Variants in ARNT observed in about 807,000 individuals in gnomAD.
ARNT encodes aryl hydrocarbon receptor nuclear translocator, also known as class E basic helix-loop-helix protein 2.
Under a neutral mutation model 105.0 loss-of-function variants are expected in ARNT, and 30 were observed. The observed-to-expected ratio is 0.29, with a 90% CI of 0.21 to 0.39. The LOEUF is 0.39. ARNT is among the 10% of genes least tolerant of loss of function. ARNT has a pLI of 1.00. For synonymous variants in ARNT, 304 were observed against 344.0 expected (o/e 0.88, Z 1.29); for missense variants, 748 against 978.7 (o/e 0.76, Z 3.15).
intron 14 of ARNT, among the ~76,000 whole-genome samples, chr1:150,821,111 C>T (rs931670079): frequency 2.9e-4 from 44 of 152,302 alleles, no homozygotes; most frequent in African/African-American, 1.0e-3. Flanking sequence ...AATGCATTTA[C>T]AGCACTGTAC....
At chr1:150,812,449 T>C (rs1654928416) in intron 21 of ARNT, 1 of 182,870 alleles carries the variant, frequency 5.5e-6, no homozygotes, top group African/African-American at 2.3e-5. Flanking sequence ...TGTTTTGCTT[T>C]CTTTCAATCT....
At position 150,872,253 on chromosome 1, in the gene ARNT, A is replaced by G. The variant is rs1319079626; in HGVS notation, c.25+4290T>C. Among the ~76,000 whole-genome samples, 17 of 152,326 alleles carry G rather than the reference A, an allele frequency of 1.1e-4. No individual in the cohort carries two copies. In the East Asian group the frequency reaches 3.1e-3, roughly 28 times the overall value. The stretch of plus-strand genomic sequence containing the variant: ...GAGGCACGAGCCACCACACCTGGCC[A>G]TAAAAGAATATCTTGACATCTTAAC... On this transcript the variant is annotated intron_variant, in intron 1 of 21. Coordinates refer to ENST00000358595, the MANE Select transcript of ARNT (RefSeq NM_001668.4).
intron 8 of ARNT, among the ~76,000 whole-genome samples, 200 bp downstream of exon 8, chr1:150,834,338 T>A (rs939273642): frequency 2.0e-5 from 3 of 152,230 alleles, no homozygotes; most frequent in African/African-American, 7.2e-5. Flanking sequence ...ATGACAGATA[T>A]AAAGCACCTA....
In ARNT at chr1:150,818,059, G is replaced by A. The variant is rs940483470; in HGVS notation, c.1395-29C>T. On this transcript the variant is annotated intron_variant, in intron 14 of 21. Transcript: ENST00000358595. The stretch of plus-strand genomic sequence containing the variant: ...GGAAACCAGAGTAGACAGTAAAGAG[G>A]GGGTGGAGAGGGAGGAAGGGGGGAG... The A allele has an allele frequency of 5.3e-6, 8 of 1,501,410 alleles. No homozygotes were observed. In the South Asian group the frequency reaches 7.0e-5, roughly 13 times the overall value. The allele number at this position is 1,501,410 out of a possible 1,614,324, so 93.0% of individuals were successfully genotyped here.
intron 3 of ARNT, 70 bp from the exon 4 acceptor site, chr1:150,846,377 C>A: frequency 6.8e-7 from 1 of 1,475,408 alleles, no homozygotes; most frequent in Non-Finnish European, 9.4e-7. Context: ...GAAAAGTAAA[C>A]TAGAAAGGGG....
rs1223740476 is a variant in ARNT at position 150,813,336 on chromosome 1, G to C, written c.2116C>G (p.Pro706Ala). Reference protein sequence around the residue: ...SLTNRGSNFAPETGQTAGQFQ... With the variant: ...SLTNRGSNFAAETGQTAGQFQ... ...TGTCCTGCAGTCTGTCCAGTCTCAGGAGCTAGAAATACAGCAAGGAAGAAT... is the reference window on the plus strand; with the variant it reads ...TGTCCTGCAGTCTGTCCAGTCTCAGCAGCTAGAAATACAGCAAGGAAGAAT... The change falls in exon 21 of 22, where the codon CCT (proline) becomes GCT (alanine). Residue 706 changes from proline to alanine, a missense_variant and splice_region_variant. Transcript: ENST00000358595. 2 of 1,603,328 alleles carry C rather than the reference G, an allele frequency of 1.2e-6. No individual in the cohort carries two copies. Among genetic ancestry groups the C allele is most frequent in the African/African-American group, 2.7e-5 (2 of 74,580 alleles).
At chr1:150,834,732 T>C (rs1659986795) in intron 7 of ARNT, 92 bp from the exon 8 acceptor site, 1 of 1,096,646 alleles carries the variant, frequency 9.1e-7, no homozygotes, top group Non-Finnish European at 1.4e-6. Flanking sequence ...GTAAGCATCC[T>C]ATTCATGCCC....
chr1:150,842,294 A>G lies in ARNT; in HGVS notation c.272+130T>C, dbSNP rs587605180. The G allele has an allele frequency of 1.5e-5, 21 of 1,372,998 alleles. No individual in the cohort carries two copies. The East Asian group carries it at 5.4e-4, about 35-fold the overall frequency. 85.1% of individuals were successfully genotyped at this position (1,372,998 alleles called of 1,614,324 possible). On this transcript the variant is annotated intron_variant, in intron 5 of 21. Coordinates refer to ENST00000358595, the MANE Select transcript of ARNT (RefSeq NM_001668.4). ...TTCCTGTTACACTCAAACTTCTAAA[A>G]AATCTTGTCCTCTCTTGCCACAGAT...
In ARNT at chr1:150,834,546, G is replaced by A; in HGVS notation, c.795C>T (p.Cys265=). ...MCMGSRRSFI[C]RMRCGSSSVD... ...CTCAGCTTGACACTCACCTCATTCG[G>A]CAAATAAACGATCTCCTTGAGCCCA... The change falls in exon 8 of 22, where the codon TGC becomes TGT. Residue 265 remains cysteine (C), a synonymous_variant. Transcript: ENST00000358595. The A allele has an allele frequency of 6.2e-7, 1 of 1,613,534 alleles. No homozygotes were observed. The highest frequency in any genetic ancestry group is 8.5e-7 in the Non-Finnish European group (1 of 1,179,662).
rs1441663797 is a variant in ARNT, at chr1:150,811,733, A to G, written c.*288T>C. On this transcript the variant is annotated 3_prime_UTR_variant, in exon 22 of 22. Transcript: ENST00000358595. ...TGCCTCTTGATCTCAGCACAAATCA[A>G]CACTATACAATTTCAGGTCAGGAGA... The G allele has an allele frequency of 1.9e-5, 5 of 268,926 alleles. No individual in the cohort carries two copies. The highest frequency in any genetic ancestry group is 1.6e-4 in the East Asian group (3 of 18,708). The allele number at this position is 268,926 out of a possible 1,614,324, so 16.7% of individuals were successfully genotyped here.
rs988051546 is a variant in ARNT, at chr1:150,834,456, T to A, written c.803+82A>T. ...GTTAAATTTAATCCACTGGAGCTAA[T>A]CCAACTTAACTCTGACAGAAATAAA... On this transcript the variant is annotated intron_variant, in intron 8 of 21. Coordinates refer to ENST00000358595, the MANE Select transcript of ARNT (RefSeq NM_001668.4). 4.1e-5 allele frequency: 57 copies of A among 1,374,902 alleles called. 2 individuals are homozygous for A. Among genetic ancestry groups the A allele is most frequent in the Admixed American group, 3.6e-4 (21 of 58,232 alleles). The allele number at this position is 1,374,902 out of a possible 1,614,324, so 85.2% of individuals were successfully genotyped here. A position where few individuals can be genotyped will look rare whatever the true frequency, so the allele number is the denominator to read the frequency against.
chr1:150,835,162 G>C (rs1026730175), intron 7 of ARNT, among the ~76,000 whole-genome samples: 2 of 145,210 alleles, frequency 1.4e-5, no homozygotes, highest in Non-Finnish European at 1.5e-5. Context: ...AGAATAAAAA[G>C]AAAAAATTTT....
intron 13 of ARNT, 25 bp downstream of exon 13, chr1:150,826,518 A>G: frequency 6.3e-7 from 1 of 1,585,730 alleles, no homozygotes; most frequent in South Asian, 1.1e-5. Context: ...ATATTTATTC[A>G]GAACCAAACC....
At chr1:150,817,733 C>G (rs587773779) in intron 15 of ARNT, among the ~76,000 whole-genome samples, 187 bp downstream of exon 15, 1 of 149,286 alleles carries the variant, frequency 6.7e-6, no homozygotes, top group African/African-American at 2.5e-5. Flanking sequence ...CACTTGAACC[C>G]AGGAGACAGA....
intron 2 of ARNT, among the ~76,000 whole-genome samples, chr1:150,856,359 G>A (rs1664611420): frequency 6.6e-6 from 1 of 152,114 alleles, no homozygotes; most frequent in African/African-American, 2.4e-5. Flanking sequence ...AGAATGGCGT[G>A]AACCTGGGAG....
At chr1:150,853,334 C>A in intron 2 of ARNT, 2 of 306,426 alleles carry the variant, frequency 6.5e-6, no homozygotes, top group Admixed American at 4.5e-5. Flanking sequence ...CTTCTGCTAC[C>A]TTAACACTTT....
intron 1 of ARNT, among the ~76,000 whole-genome samples, chr1:150,862,712 TAAAA>T (rs56147665): frequency 1.5e-5 from 1 of 66,598 alleles, no homozygotes. Flanking sequence ...CCTGCCTCTG[TAAAA>T]AAAAAAAAAA....
intron 9 of ARNT, 70 bp from the exon 10 acceptor site, chr1:150,831,973 CT>C: frequency 9.8e-7 from 1 of 1,018,184 alleles, no homozygotes; most frequent in Non-Finnish European, 1.5e-6. Context: ...GCAATGCTGC[CT>C]TAGTACTTTT....
At chr1:150,864,225 T>C (rs1010000083) in intron 1 of ARNT, among the ~76,000 whole-genome samples, 8 of 152,168 alleles carry the variant, frequency 5.3e-5, no homozygotes, top group African/African-American at 1.7e-4. Context: ...CACTGGGCAA[T>C]AGGAATTTTT....
Sources: allele counts gnomAD v4.1 joint callset (sites outside exome capture counted in the v4.1 genomes callset), GRCh38; gene constraint gnomAD v4.1.1; transcripts MANE v1.5; gene names NCBI Gene and HGNC (gene_info 2026-07-23, HGNC 2026-07-21).